The following TCF12 variants were observed in gnomAD, a reference collection of about 807,000 sequenced individuals.
TCF12 encodes DNA-binding protein HTF4.
In TCF12, 45 loss-of-function variants were observed where a neutral mutation model predicts 86.0. That is an observed-to-expected ratio of 0.52 (90% CI 0.41 to 0.67). The LOEUF is 0.67. Among genes scored for constraint, TCF12 ranks in the 30% least tolerant of loss-of-function variants. TCF12 has a pLI of 0.00. For synonymous variants in TCF12, 330 were observed against 299.6 expected, an observed-to-expected ratio of 1.10 and a Z score of -1.05; for missense variants, 881 against 859.9, an observed-to-expected ratio of 1.02 and a Z score of -0.31.
chr15:57,006,629 A>G (rs1841330825), intron 3 of TCF12, among the ~76,000 whole-genome samples: 1 of 149,836 alleles, frequency 6.7e-6, no homozygotes, highest in Non-Finnish European at 1.5e-5. Context: ...CCTTTTGAAA[A>G]TGATTGGCTG....
intron 5 of TCF12, among the ~76,000 whole-genome samples, chr15:57,165,166 G>A (rs924046871): frequency 6.7e-6 from 1 of 149,282 alleles, no homozygotes; most frequent in Non-Finnish European, 1.5e-5. Flanking sequence ...GTGTGTGTGC[G>A]TACACGAGAT....
intron 3 of TCF12, among the ~76,000 whole-genome samples, chr15:56,986,470 A>G (rs1050427244): frequency 6.6e-6 from 1 of 152,190 alleles, no homozygotes; most frequent in Non-Finnish European, 1.5e-5. Context: ...GTATTACAGT[A>G]TGTCCTGTTG....
chr15:57,141,615 C>T (rs1214893938), intron 5 of TCF12, among the ~76,000 whole-genome samples: 2 of 152,228 alleles, frequency 1.3e-5, no homozygotes, highest in Non-Finnish European at 2.9e-5. Flanking sequence ...TCCCGAAGTG[C>T]TGGGATTACA....
chr15:57,078,268 C>T (rs2070308579), intron 4 of TCF12, among the ~76,000 whole-genome samples: 1 of 152,112 alleles, frequency 6.6e-6, no homozygotes, highest in African/African-American at 2.4e-5. Context: ...TCATACAAAA[C>T]CCAGCAAGTT....
chr15:57,137,804 G>A (rs543456918), intron 5 of TCF12, among the ~76,000 whole-genome samples: 5 of 152,210 alleles, frequency 3.3e-5, no homozygotes, highest in South Asian at 2.1e-4. Flanking sequence ...CAAGGCTGGC[G>A]GATCACGAGA....
At chr15:57,133,223 T>A (rs765662255) in intron 5 of TCF12, among the ~76,000 whole-genome samples, 6 of 152,354 alleles carry the variant, frequency 3.9e-5, no homozygotes, top group Non-Finnish European at 5.9e-5. Flanking sequence ...CTGAACAGAA[T>A]AGCCATCTTC....
intron 8 of TCF12, among the ~76,000 whole-genome samples, chr15:57,202,315 C>T (rs764338608): frequency 6.6e-6 from 1 of 151,890 alleles, no homozygotes; most frequent in Non-Finnish European, 1.5e-5. Context: ...TTTATTCTGT[C>T]AATTATGTTT....
intron 6 of TCF12, among the ~76,000 whole-genome samples, chr15:57,170,639 TATAATATATATA>T (rs2055256869): frequency 2.7e-5 from 1 of 37,076 alleles, no homozygotes; most frequent in African/African-American, 1.7e-4. Flanking sequence ...TATATATATA[TATAATATATATA>T]TTATATAAAA....
In TCF12 at chr15:57,063,798, C is replaced by T; in HGVS notation, c.197C>T (p.Pro66Leu). Residue 66 changes from proline to leucine, a missense_variant, in exon 4 of 21, where the codon CCA (proline) becomes CTA (leucine). Around this residue, in one of 3 missense-constraint regions of TCF12, gnomAD observed 766 missense variants for 718.9 expected, o/e 1.07. Coordinates refer to ENST00000333725, the MANE Select transcript of TCF12 (RefSeq NM_207037.2). The part of the protein sequence containing the change: ...GTTSWGTSGQ[P>L]SPSYDSSRGF... The stretch of plus-strand genomic sequence containing the variant: ...ACATCTTGGGGAACAAGTGGTCAAC[C>T]AAGTCCTTCCTATGATTCATCTAGA... 1 of 1,602,282 alleles carries T rather than the reference C, an allele frequency of 6.2e-7. No individual in the cohort carries two copies. The highest frequency in any genetic ancestry group is 8.5e-7 in the Non-Finnish European group (1 of 1,171,208).
At chr15:57,107,338 A>G (rs2733325) in intron 5 of TCF12, among the ~76,000 whole-genome samples, 2,006 of 152,328 alleles carry the variant, frequency 0.013, 49 homozygotes, top group African/African-American at 0.046. Context: ...CTGAAAGACT[A>G]TATATTGTGT....
chr15:57,177,607 C>CGAGAGAGAGAGAGAGAGA (rs1567572655), intron 6 of TCF12, among the ~76,000 whole-genome samples: 3 of 5,000 alleles, frequency 6.0e-4, no homozygotes, highest in Non-Finnish European at 1.2e-3. Context: ...TGTTAAAAGG[C>CGAGAGAGAGAGAGAGAGA]CAGAGAGAGA....
chr15:57,266,348 G>A (rs2060870870), intron 18 of TCF12, among the ~76,000 whole-genome samples: 1 of 152,068 alleles, frequency 6.6e-6, no homozygotes, highest in Non-Finnish European at 1.5e-5. Flanking sequence ...AAAGTGCTGG[G>A]ATTACAGGCG....
chr15:57,238,435 A>C (rs1380895728), intron 12 of TCF12, among the ~76,000 whole-genome samples: 1 of 152,194 alleles, frequency 6.6e-6, no homozygotes, highest in Non-Finnish European at 1.5e-5. Flanking sequence ...GCCCATGCCT[A>C]CCTAACAGTG....
chr15:57,246,884 C>T (rs1597605283), intron 13 of TCF12: 1 of 439,468 alleles, frequency 2.3e-6, no homozygotes, highest in Non-Finnish European at 4.5e-6. Flanking sequence ...ACAACTGTCT[C>T]AAAGTAACCT....
At chr15:56,970,730 T>A (rs1033115251) in intron 3 of TCF12, among the ~76,000 whole-genome samples, 3 of 151,820 alleles carry the variant, frequency 2.0e-5, no homozygotes, top group Non-Finnish European at 2.9e-5. Flanking sequence ...AAACAGTAAT[T>A]ACAAAGTCAA....
chr15:57,052,242 T>C (rs758632412), intron 3 of TCF12, among the ~76,000 whole-genome samples: 4 of 152,226 alleles, frequency 2.6e-5, no homozygotes, highest in Admixed American at 6.5e-5. Flanking sequence ...CTTGGTGTGA[T>C]TGCCTTTGTT....
chr15:57,113,608 T>A (rs2050644193), intron 5 of TCF12, among the ~76,000 whole-genome samples: 1 of 151,974 alleles, frequency 6.6e-6, no homozygotes, highest in Admixed American at 6.6e-5. Flanking sequence ...AAAGGAGTAC[T>A]GTCATTGTCT....
At chr15:57,233,023 ATATG>A (rs1167744707) in intron 11 of TCF12, among the ~76,000 whole-genome samples, 167 bp downstream of exon 11, 1 of 118,196 alleles carries the variant, frequency 8.5e-6, no homozygotes, top group Non-Finnish European at 2.1e-5. Context: ...ATATATGTAT[ATATG>A]TGTGTATATA....
At chr15:57,226,993 G>A (rs1235532946) in intron 8 of TCF12, among the ~76,000 whole-genome samples, 2 of 151,948 alleles carry the variant, frequency 1.3e-5, no homozygotes, top group Non-Finnish European at 2.9e-5. Context: ...CTCATATAAA[G>A]CATTCTTCTT....
Sources: allele counts gnomAD v4.1 joint callset (sites outside exome capture counted in the v4.1 genomes callset), GRCh38; gene constraint gnomAD v4.1.1; regional missense constraint gnomAD v4.1.1; transcripts MANE v1.5; gene names NCBI Gene and HGNC (gene_info 2026-07-23, HGNC 2026-07-21).